Variants in PKNOX1 observed in about 807,000 individuals in gnomAD.
PKNOX1 encodes the protein homeobox protein PKNOX1.
Under a neutral mutation model 51.9 loss-of-function variants are expected in PKNOX1, and 15 were observed. That is an observed-to-expected ratio of 0.29 (90% CI 0.19 to 0.45). The LOEUF is 0.45. PKNOX1 is among the 20% of genes least tolerant of loss of function. The pLI, the probability that PKNOX1 is intolerant of heterozygous loss-of-function variation, is 1.00. For missense variants in PKNOX1, 462 were observed against 547.5 expected, an observed-to-expected ratio of 0.84 and a Z score of 1.56; for synonymous variants, 219 against 211.1, an observed-to-expected ratio of 1.04 and a Z score of -0.32.
chr21:43,007,414 C>A lies in PKNOX1; in HGVS notation c.52-77C>A, dbSNP rs1979035728. 6 of 1,404,688 alleles carry A rather than the reference C, an allele frequency of 4.3e-6. No individual in the cohort carries two copies. The Admixed American group carries it at 5.1e-5, about 12-fold the overall frequency. The allele number at this position is 1,404,688 out of a possible 1,614,324, so 87.0% of individuals were successfully genotyped here. On this transcript the variant is annotated intron_variant, in intron 2 of 10. Coordinates refer to ENST00000291547, the MANE Select transcript of PKNOX1 (RefSeq NM_004571.5). ...GCTGTCTGGCAATTCCCCACTCCAA[C>A]TGCATTCCTGTTGGAGCATGGAATA... is the stretch of plus-strand genomic sequence containing the variant.
At chr21:43,023,317 C>G (rs753833476) in intron 8 of PKNOX1, among the ~76,000 whole-genome samples, 12 of 152,028 alleles carry the variant, frequency 7.9e-5, no homozygotes, top group Non-Finnish European at 1.8e-4. Flanking sequence ...GGAAACAAAC[C>G]CATCACTGCT....
chr21:43,004,244 A>T (rs1978889958), intron 1 of PKNOX1, 82 bp from the exon 2 acceptor site: 10 of 629,024 alleles, frequency 1.6e-5, no homozygotes. Context: ...TCTCAAAAAA[A>T]AAAAATTTGA....
intron 1 of PKNOX1, among the ~76,000 whole-genome samples, chr21:43,000,427 C>T (rs1471459994): frequency 6.6e-6 from 1 of 152,210 alleles, no homozygotes; most frequent in East Asian, 1.9e-4. Context: ...TGGATGGCAG[C>T]AGGCAAAGAG....
chr21:42,978,987 C>T (rs1313869507), intron 1 of PKNOX1, among the ~76,000 whole-genome samples: 1 of 152,184 alleles, frequency 6.6e-6, no homozygotes, highest in Non-Finnish European at 1.5e-5. Context: ...GCACTCTTGA[C>T]CTCTTGGGCT....
At chr21:42,988,745 G>A (rs1242239311) in intron 1 of PKNOX1, among the ~76,000 whole-genome samples, 2 of 152,168 alleles carry the variant, frequency 1.3e-5, no homozygotes, top group African/African-American at 4.8e-5. Context: ...CAGCAGGGCA[G>A]GCTCCTTGGT....
intron 1 of PKNOX1, among the ~76,000 whole-genome samples, chr21:42,997,771 C>T (rs1368699274): frequency 6.6e-6 from 1 of 152,206 alleles, no homozygotes; most frequent in Non-Finnish European, 1.5e-5. Flanking sequence ...TGTTCTCCAC[C>T]TAGCCATGCC....
At chr21:42,978,901 CT>C (rs2059012227) in intron 1 of PKNOX1, among the ~76,000 whole-genome samples, 1 of 152,102 alleles carries the variant, frequency 6.6e-6, no homozygotes, top group Admixed American at 6.6e-5. Context: ...TGTTCCTGGC[CT>C]TGGCTATGTT....
At chr21:42,977,148 T>C (rs919080128) in intron 1 of PKNOX1, among the ~76,000 whole-genome samples, 1 of 152,186 alleles carries the variant, frequency 6.6e-6, no homozygotes, top group Non-Finnish European at 1.5e-5. Flanking sequence ...TAATGTGTTA[T>C]TCCATTTCCA....
intron 1 of PKNOX1, among the ~76,000 whole-genome samples, chr21:43,000,048 A>T (rs1978681454): frequency 6.6e-6 from 1 of 152,094 alleles, no homozygotes. Context: ...CCCACCTCCG[A>T]GACCTCCTCA....
rs559560565 is a variant in PKNOX1 at position 43,011,229 on chromosome 21, G to A, written c.351+1005G>A. On this transcript the variant is annotated intron_variant, in intron 4 of 10. Coordinates refer to ENST00000291547, the MANE Select transcript of PKNOX1 (RefSeq NM_004571.5). ...ACTACAGGCACCCGCCACCACGCCC[G>A]GCTAATTTTTTTTGTATTTTTAGTA... 3.8e-3 allele frequency among the ~76,000 whole-genome samples: 570 copies of A among 151,996 alleles called. 6 individuals are homozygous for A. Among genetic ancestry groups the A allele is most frequent in the Non-Finnish European group, 6.5e-3 (445 of 67,968 alleles).
At chr21:43,006,269 G>T (rs193097287) in intron 2 of PKNOX1, among the ~76,000 whole-genome samples, 27 of 152,204 alleles carry the variant, frequency 1.8e-4, no homozygotes, top group African/African-American at 6.3e-4. Context: ...GATTACAGGT[G>T]TGTGCCACCA....
At chr21:43,027,895 G>A (rs936358490) in intron 9 of PKNOX1, among the ~76,000 whole-genome samples, 6 of 151,452 alleles carry the variant, frequency 4.0e-5, no homozygotes, top group African/African-American at 7.3e-5. Flanking sequence ...CAGCCTGTGC[G>A]ACAGGGCGAG....
chr21:42,975,650 G>A (rs2058991979), intron 1 of PKNOX1, among the ~76,000 whole-genome samples: 1 of 152,242 alleles, frequency 6.6e-6, no homozygotes. Flanking sequence ...TTCCGATGGC[G>A]GATTCCTGAC....
Position 43,027,721 on chromosome 21 carries a change from C to T in PKNOX1, c.927-981C>T, listed in dbSNP as rs573072247. On this transcript the variant is annotated intron_variant, in intron 9 of 10. Coordinates refer to ENST00000291547, the MANE Select transcript of PKNOX1 (RefSeq NM_004571.5). ...GATCACAAGGTGAAGAGATCGAGAC[C>T]ATCTTGGCCAACATGGTGTAACCCC... 1.1e-4 allele frequency among the ~76,000 whole-genome samples: 17 copies of T among 151,526 alleles called. No homozygotes were observed. In the South Asian group the frequency reaches 2.7e-3, roughly 24 times the overall value.
chr21:42,994,981 G>GCGC (rs1305067233), intron 1 of PKNOX1, among the ~76,000 whole-genome samples: 2 of 146,250 alleles, frequency 1.4e-5, no homozygotes, highest in African/African-American at 5.1e-5. Flanking sequence ...GAGTGCAGTG[G>GCGC]CGCAATCTTG....
intron 1 of PKNOX1, among the ~76,000 whole-genome samples, chr21:43,002,080 A>G (rs1978784773): frequency 6.6e-6 from 1 of 151,994 alleles, no homozygotes; most frequent in Admixed American, 6.6e-5. Flanking sequence ...CTGATCTTGA[A>G]CTCCTGAACT....
At chr21:42,985,399 A>C (rs1381974705) in intron 1 of PKNOX1, among the ~76,000 whole-genome samples, 1 of 151,770 alleles carries the variant, frequency 6.6e-6, no homozygotes, top group African/African-American at 2.4e-5. Context: ...CAGGGGAGTG[A>C]TCTTGGCTCA....
At position 43,030,260 on chromosome 21, in the gene PKNOX1, AGTGTGTGTGTGTGTGTGTGTGTGT is replaced by A. The variant is rs9325621; in HGVS notation, c.*169_*192del. ...TTTGCCGGTGCAGCGACTTCTTTCA[AGTGTGTGTGTGTGTGTGTGTGTGT>A]GTGTGTGTGCGTGTGTGCGTGTGTG... On this transcript the variant is annotated 3_prime_UTR_variant, in exon 11 of 11. Transcript: ENST00000291547. The A allele has an allele frequency of 2.3e-6, 1 of 427,520 alleles. No homozygotes were observed. Among genetic ancestry groups the A allele is most frequent in the African/African-American group, 2.1e-5 (1 of 48,724 alleles). 26.5% of individuals were successfully genotyped at this position (427,520 alleles called of 1,614,324 possible).
At chr21:43,005,952 T>C (rs1978970500) in intron 2 of PKNOX1, among the ~76,000 whole-genome samples, 1 of 152,168 alleles carries the variant, frequency 6.6e-6, no homozygotes, top group African/African-American at 2.4e-5. Flanking sequence ...AAGTGTTTAA[T>C]CAGCATTATT....
Sources: allele counts gnomAD v4.1 joint callset (sites outside exome capture counted in the v4.1 genomes callset), GRCh38; gene constraint gnomAD v4.1.1; transcripts MANE v1.5; gene names NCBI Gene and HGNC (gene_info 2026-07-23, HGNC 2026-07-21).